Variants in SRPK2 observed in about 807,000 individuals in gnomAD.
SRPK2 encodes the protein SFRS protein kinase 2.
A neutral mutation model predicts 90.8 loss-of-function variants in SRPK2; 21 were observed. The observed-to-expected ratio is 0.23, with a 90% CI of 0.16 to 0.33. The LOEUF (loss-of-function observed/expected upper bound fraction) is 0.33. Ranked by LOEUF, SRPK2 falls within the 10% of genes least tolerant of loss-of-function variation. The pLI is 1.00. For missense variants in SRPK2, 620 were observed against 869.0 expected, an observed-to-expected ratio of 0.71 and a Z score of 3.60; for synonymous variants, 288 against 311.1, an observed-to-expected ratio of 0.93 and a Z score of 0.78.
chr7:105,133,207 G>C, intron 11 of SRPK2, 103 bp from the exon 12 acceptor site: 4 of 1,033,576 alleles, frequency 3.9e-6, no homozygotes, highest in Non-Finnish European at 6.0e-6. Context: ...AAGAGTAGTG[G>C]AATGATCACT....
chr7:105,174,093 A>T (rs1033637877), intron 3 of SRPK2, among the ~76,000 whole-genome samples: 1 of 151,846 alleles, frequency 6.6e-6, no homozygotes, highest in East Asian at 1.9e-4. Context: ...AAAAAAAAAA[A>T]AAAACTCTTA....
intron 2 of SRPK2, among the ~76,000 whole-genome samples, chr7:105,281,160 G>A (rs1243742889): frequency 3.3e-5 from 5 of 151,122 alleles, no homozygotes; most frequent in African/African-American, 4.9e-5. Context: ...ATAGTAGCGC[G>A]ATCTCAGCTC....
At chr7:105,385,895 C>T (rs184899764) in intron 2 of SRPK2, among the ~76,000 whole-genome samples, 1 of 152,318 alleles carries the variant, frequency 6.6e-6, no homozygotes, top group African/African-American at 2.4e-5. Flanking sequence ...ATTATTATTA[C>T]TTAACATGTC....
chr7:105,185,936 G>A (rs1172755562), intron 3 of SRPK2, among the ~76,000 whole-genome samples: 1 of 152,136 alleles, frequency 6.6e-6, no homozygotes, highest in African/African-American at 2.4e-5. Flanking sequence ...CCTAAAAAAG[G>A]GGGTTAGTTT....
chr7:105,340,232 G>C (rs1247121517), intron 2 of SRPK2, among the ~76,000 whole-genome samples: 1 of 150,736 alleles, frequency 6.6e-6, no homozygotes, highest in Non-Finnish European at 1.5e-5. Flanking sequence ...TAGGAAGTAC[G>C]CATTATGCCG....
chr7:105,146,761 T>G, intron 7 of SRPK2, 103 bp from the exon 8 acceptor site: 1 of 1,214,772 alleles, frequency 8.2e-7, no homozygotes. Context: ...GTACAAAGTT[T>G]GATAAACACA....
At chr7:105,149,764 A>G (rs1448617741) in intron 7 of SRPK2, among the ~76,000 whole-genome samples, 1 of 152,228 alleles carries the variant, frequency 6.6e-6, no homozygotes, top group Non-Finnish European at 1.5e-5. Context: ...AAGTTAAAGT[A>G]GCATTATGAA....
chr7:105,231,070 T>C (rs78649219), intron 2 of SRPK2, among the ~76,000 whole-genome samples: 4,022 of 152,176 alleles, frequency 0.026, 131 homozygotes, highest in African/African-American at 0.079. Context: ...CGTCTGCCCC[T>C]CTCCCTATTT....
At chr7:105,257,968 G>T (rs1038655894) in intron 2 of SRPK2, among the ~76,000 whole-genome samples, 16 of 152,026 alleles carry the variant, frequency 1.1e-4, no homozygotes, top group Non-Finnish European at 2.1e-4. Flanking sequence ...TTAGCCAGGC[G>T]TGGTGGCACG....
chr7:105,262,064 G>A (rs968153642), intron 2 of SRPK2, among the ~76,000 whole-genome samples: 1 of 152,098 alleles, frequency 6.6e-6, no homozygotes, highest in Non-Finnish European at 1.5e-5. Flanking sequence ...TTTTAAACGT[G>A]GAATGACCTA....
intron 2 of SRPK2, among the ~76,000 whole-genome samples, chr7:105,336,195 C>T (rs1414143005): frequency 6.6e-6 from 1 of 152,074 alleles, no homozygotes; most frequent in Admixed American, 6.6e-5. Context: ...CAAATATTCA[C>T]TACAGTTAAT....
At position 105,165,937 on chromosome 7, in the gene SRPK2, G is replaced by A. The variant is rs951711557; in HGVS notation, c.514+1440C>T. On this transcript the variant is annotated intron_variant, in intron 6 of 15. Coordinates refer to ENST00000393651, the MANE Select transcript of SRPK2 (RefSeq NM_182692.3). Reference sequence around the variant, plus strand: ...AAGTCAGCGAGACCACGAACCCACCGGGAGGAACAAACAACTCTGGATGCG... The same window carrying A: ...AAGTCAGCGAGACCACGAACCCACCAGGAGGAACAAACAACTCTGGATGCG... Among the ~76,000 whole-genome samples, 5 of 152,204 alleles carry A rather than the reference G, an allele frequency of 3.3e-5. 1 individual carries two copies. The South Asian group carries it at 8.3e-4, about 25-fold the overall frequency.
At chr7:105,296,989 G>T (rs1283161541) in intron 2 of SRPK2, among the ~76,000 whole-genome samples, 2 of 152,114 alleles carry the variant, frequency 1.3e-5, no homozygotes, top group Non-Finnish European at 2.9e-5. Flanking sequence ...AATATTTACA[G>T]CAGGTTCAGA....
chr7:105,125,782 CT>C (rs1468185930), intron 15 of SRPK2: 121 of 1,265,526 alleles, frequency 9.6e-5, no homozygotes, highest in Non-Finnish European at 1.1e-4. Flanking sequence ...ATACCGTTAC[CT>C]TTTCTGGTGA....
chr7:105,122,926 C>T (rs1192274140), intron 15 of SRPK2, among the ~76,000 whole-genome samples: 3 of 151,778 alleles, frequency 2.0e-5, no homozygotes, highest in African/African-American at 7.3e-5. Context: ...TCCCATTATC[C>T]ACGCAGCAAT....
chr7:105,176,591 G>GTGTGTGTGTGTGTATGTATGTATATA (rs1183040702), intron 3 of SRPK2, among the ~76,000 whole-genome samples: 725 of 41,166 alleles, frequency 0.018, 7 homozygotes, highest in African/African-American at 0.11. Context: ...ATGTATATAT[G>GTGTGTGTGTGTGTATGTATGTATATA]TGTGTGTGTG....
intron 2 of SRPK2, among the ~76,000 whole-genome samples, chr7:105,280,329 C>T (rs7797988): frequency 0.43 from 65,875 of 151,508 alleles, 15,632 homozygotes; most frequent in South Asian, 0.54. Context: ...GCACAAGAAT[C>T]GCTTGAACCT....
At chr7:105,201,332 A>G (rs1795525803) in intron 3 of SRPK2, among the ~76,000 whole-genome samples, 1 of 152,204 alleles carries the variant, frequency 6.6e-6, no homozygotes, top group Admixed American at 6.5e-5. Context: ...GAACCTTACT[A>G]TCTCTAATGA....
intron 2 of SRPK2, among the ~76,000 whole-genome samples, chr7:105,217,145 C>G (rs181601141): frequency 1.3e-5 from 2 of 152,312 alleles, no homozygotes; most frequent in Non-Finnish European, 2.9e-5. Context: ...TCTGACTATC[C>G]TAACTGCAAA....
Sources: allele counts gnomAD v4.1 joint callset (sites outside exome capture counted in the v4.1 genomes callset), GRCh38; gene constraint gnomAD v4.1.1; transcripts MANE v1.5; gene names NCBI Gene and HGNC (gene_info 2026-07-23, HGNC 2026-07-21).